Variants in MEMO1 observed in about 807,000 individuals in gnomAD.
MEMO1 encodes the protein mediator of cell motility 1.
Under a neutral mutation model 45.2 loss-of-function variants are expected in MEMO1, and 6 were observed. The observed-to-expected ratio is 0.13, with a 90% CI of 0.07 to 0.26. The LOEUF (loss-of-function observed/expected upper bound fraction) is 0.26. Among genes scored for constraint, MEMO1 ranks in the 10% least tolerant of loss-of-function variants. MEMO1 has a pLI of 1.00. For missense variants in MEMO1, 184 were observed against 370.5 expected, an observed-to-expected ratio of 0.50 and a Z score of 4.13; for synonymous variants, 78 against 124.3, an observed-to-expected ratio of 0.63 and a Z score of 2.48.
At chr2:31,916,318 A>T (rs1681438016) in intron 6 of MEMO1, among the ~76,000 whole-genome samples, 1 of 151,928 alleles carries the variant, frequency 6.6e-6, no homozygotes, top group African/African-American at 2.4e-5. Context: ...AGTCTCAACC[A>T]CCCAGGCTCA....
At chr2:31,911,918 G>A (rs937518692) in intron 6 of MEMO1, among the ~76,000 whole-genome samples, 3 of 152,078 alleles carry the variant, frequency 2.0e-5, no homozygotes, top group Admixed American at 2.0e-4. Flanking sequence ...TGGGATTACA[G>A]GCCTCATGAG....
At position 31,938,463 on chromosome 2, in the gene MEMO1, G is replaced by A. The variant is rs541166051; in HGVS notation, c.143+4839C>T. 8.6e-5 allele frequency among the ~76,000 whole-genome samples: 13 copies of A among 151,860 alleles called. No homozygotes were observed. In the South Asian group the frequency reaches 2.1e-3, roughly 24 times the overall value. ...AGATCGAGACCATCCTGGCTAACAC[G>A]GTGAAACCACGTCTCTACTAAAAAT... is the stretch of plus-strand genomic sequence containing the variant. On this transcript the variant is annotated intron_variant, in intron 3 of 9. Coordinates refer to ENST00000404530, the MANE Select transcript of MEMO1 (RefSeq NM_001301833.4).
At chr2:31,933,551 G>A (rs1038510997) in intron 3 of MEMO1, among the ~76,000 whole-genome samples, 2 of 151,230 alleles carry the variant, frequency 1.3e-5, no homozygotes, top group African/African-American at 2.4e-5. Context: ...TGTACACATT[G>A]GTATGCCAAT....
At chr2:31,918,814 G>C (rs1165425067) in intron 5 of MEMO1, among the ~76,000 whole-genome samples, 1 of 151,958 alleles carries the variant, frequency 6.6e-6, no homozygotes, top group Admixed American at 6.6e-5. Flanking sequence ...CCTTAAATGG[G>C]TTTACCTGTA....
At chr2:31,918,713 T>C (rs937580228) in intron 5 of MEMO1, among the ~76,000 whole-genome samples, 2 of 152,290 alleles carry the variant, frequency 1.3e-5, no homozygotes, top group Non-Finnish European at 2.9e-5. Context: ...AAATTGAATA[T>C]TGTGGAACAA....
At chr2:31,941,435 T>C (rs1435154534) in intron 3 of MEMO1, among the ~76,000 whole-genome samples, 1 of 152,132 alleles carries the variant, frequency 6.6e-6, no homozygotes, top group Non-Finnish European at 1.5e-5. Context: ...CTCTCAATCC[T>C]CTATCTGCTT....
At chr2:31,993,945 C>CTT (rs1558562652) in intron 2 of MEMO1, among the ~76,000 whole-genome samples, 3 of 124,570 alleles carry the variant, frequency 2.4e-5, no homozygotes, top group African/African-American at 6.2e-5. Flanking sequence ...ATCATCAATA[C>CTT]TTTCTTTTTT....
chr2:31,879,809 G>T (rs1190724389), intron 8 of MEMO1, among the ~76,000 whole-genome samples: 1 of 152,056 alleles, frequency 6.6e-6, no homozygotes, highest in African/African-American at 2.4e-5. Context: ...TGTGACTGGT[G>T]GCTACAGTAT....
chr2:31,923,857 G>T, intron 4 of MEMO1: 1 of 1,175,908 alleles, frequency 8.5e-7, no homozygotes. Context: ...CACTGCTCCA[G>T]AAATAAACAC....
intron 3 of MEMO1, 23 bp from the exon 4 acceptor site, chr2:31,932,158 A>G (rs1209533259): frequency 6.2e-7 from 1 of 1,601,372 alleles, no homozygotes; most frequent in African/African-American, 1.3e-5. Flanking sequence ...ATATTTTTAA[A>G]CTTAATCATC....
At chr2:31,959,751 C>G (rs1239493679) in intron 2 of MEMO1, among the ~76,000 whole-genome samples, 1 of 147,820 alleles carries the variant, frequency 6.8e-6, no homozygotes, top group African/African-American at 2.5e-5. Context: ...ATTCATTTAC[C>G]TTATGAAACA....
intron 2 of MEMO1, among the ~76,000 whole-genome samples, chr2:31,960,224 T>C (rs1264868427): frequency 6.6e-6 from 1 of 152,122 alleles, no homozygotes; most frequent in Non-Finnish European, 1.5e-5. Flanking sequence ...TCTAAAATGT[T>C]TTCTGCACAT....
intron 4 of MEMO1, among the ~76,000 whole-genome samples, chr2:31,925,304 A>G (rs1030267262): frequency 1.3e-5 from 2 of 151,676 alleles, no homozygotes; most frequent in Admixed American, 1.3e-4. Context: ...GTGAAACCCC[A>G]TCTCTACTAA....
intron 4 of MEMO1, among the ~76,000 whole-genome samples, chr2:31,925,304 A>T (rs1030267262): frequency 6.6e-6 from 1 of 151,676 alleles, no homozygotes; most frequent in Non-Finnish European, 1.5e-5. Context: ...GTGAAACCCC[A>T]TCTCTACTAA....
intron 2 of MEMO1, among the ~76,000 whole-genome samples, chr2:31,966,829 C>T (rs371968201): frequency 2.0e-5 from 3 of 151,888 alleles, no homozygotes; most frequent in Non-Finnish European, 4.4e-5. Flanking sequence ...AACACTGCCA[C>T]ATTTGTAAAT....
intron 5 of MEMO1, among the ~76,000 whole-genome samples, chr2:31,919,731 G>A (rs1290444864): frequency 1.3e-5 from 2 of 152,036 alleles, no homozygotes. Context: ...GCTGGGGTAG[G>A]AGGATCACTT....
chr2:31,905,648 C>T (rs1197078688), intron 6 of MEMO1, among the ~76,000 whole-genome samples: 1 of 152,194 alleles, frequency 6.6e-6, no homozygotes, highest in Non-Finnish European at 1.5e-5. Context: ...CCATACCCTA[C>T]ATTCTCTTAA....
chr2:31,994,622 CTT>C (rs1672344343), intron 2 of MEMO1, among the ~76,000 whole-genome samples: 2 of 151,054 alleles, frequency 1.3e-5, no homozygotes, highest in Admixed American at 1.3e-4. Context: ...CAGAGCCAGA[CTT>C]TGTCTAAAAA....
At chr2:31,901,794 A>C (rs1253353113) in intron 6 of MEMO1, among the ~76,000 whole-genome samples, 1 of 151,828 alleles carries the variant, frequency 6.6e-6, no homozygotes, top group African/African-American at 2.4e-5. Flanking sequence ...CTGTAATCCC[A>C]GTTACTCAGG....
Sources: allele counts gnomAD v4.1 joint callset (sites outside exome capture counted in the v4.1 genomes callset), GRCh38; gene constraint gnomAD v4.1.1; transcripts MANE v1.5; gene names NCBI Gene and HGNC (gene_info 2026-07-23, HGNC 2026-07-21).